SYTL3: variants seen among roughly 807,000 people sequenced by gnomAD.
The protein encoded by SYTL3 is synaptotagmin-like protein 3.
In SYTL3, 88 loss-of-function variants were observed where a neutral mutation model predicts 82.1. The observed-to-expected ratio is 1.07, with a 90% CI of 0.90 to 1.28. SYTL3 has a LOEUF of 1.28. SYTL3 is among the 50% of genes most tolerant of loss of function. SYTL3 has a pLI of 0.00. For synonymous variants in SYTL3, 311 were observed against 289.4 expected (o/e 1.07, Z -0.76); for missense variants, 831 against 757.6 (o/e 1.10, Z -1.14).
intron 6 of SYTL3, among the ~76,000 whole-genome samples, chr6:158,685,675 G>A (rs1038016801): frequency 3.3e-5 from 5 of 151,968 alleles, no homozygotes; most frequent in African/African-American, 4.8e-5. Context: ...AAAATTAGCC[G>A]GGCATGGTGG....
At chr6:158,706,339 C>G (rs1191430022) in intron 6 of SYTL3, among the ~76,000 whole-genome samples, 1 of 152,176 alleles carries the variant, frequency 6.6e-6, no homozygotes, top group Non-Finnish European at 1.5e-5. Flanking sequence ...ACATCACATG[C>G]TATTTGCCCT....
chr6:158,669,255 A>G (rs965572881), intron 5 of SYTL3, among the ~76,000 whole-genome samples: 5 of 152,248 alleles, frequency 3.3e-5, no homozygotes, highest in Admixed American at 2.6e-4. Context: ...GTCATAACTA[A>G]TTCCACATCT....
intron 13 of SYTL3, among the ~76,000 whole-genome samples, chr6:158,755,778 C>T (rs1472052531): frequency 1.3e-5 from 2 of 152,200 alleles, no homozygotes; most frequent in South Asian, 2.1e-4. Context: ...CAGCAACAGC[C>T]GTGTCACGAG....
intron 10 of SYTL3, among the ~76,000 whole-genome samples, chr6:158,724,369 C>T (rs760315080): frequency 6.6e-6 from 1 of 152,222 alleles, no homozygotes; most frequent in Admixed American, 6.5e-5. Context: ...ATCATATTCT[C>T]ACTTAGTATT....
At chr6:158,714,367 A>G (rs1783116396) in intron 9 of SYTL3, among the ~76,000 whole-genome samples, 1 of 152,082 alleles carries the variant, frequency 6.6e-6, no homozygotes, top group Non-Finnish European at 1.5e-5. Flanking sequence ...AGAAAAAGAA[A>G]AAAAAAAAAA....
At chr6:158,678,564 A>G (rs1778314184) in intron 5 of SYTL3, among the ~76,000 whole-genome samples, 1 of 152,226 alleles carries the variant, frequency 6.6e-6, no homozygotes, top group Non-Finnish European at 1.5e-5. Flanking sequence ...TAGAATTTGC[A>G]AAGTGTTTTT....
chr6:158,648,902 T>C (rs1787695784), upstream of SYTL3, among the ~76,000 whole-genome samples: 1 of 152,196 alleles, frequency 6.6e-6, no homozygotes, highest in Admixed American at 6.5e-5. Context: ...AGAGATTAGC[T>C]AAGAAGTGCC....
chr6:158,670,435 T>A (rs1777233239), intron 5 of SYTL3, among the ~76,000 whole-genome samples: 1 of 152,242 alleles, frequency 6.6e-6, no homozygotes, highest in Non-Finnish European at 1.5e-5. Context: ...ATTTGTCTAC[T>A]GACTCTTTCC....
At chr6:158,757,484 A>G in intron 14 of SYTL3, 103 bp downstream of exon 14, 1 of 1,282,500 alleles carries the variant, frequency 7.8e-7, no homozygotes, top group Non-Finnish European at 1.1e-6. Context: ...CAAGACTTGG[A>G]CCCAAGACTG....
intron 12 of SYTL3, among the ~76,000 whole-genome samples, chr6:158,748,978 T>C (rs1788009481): frequency 6.6e-6 from 1 of 151,944 alleles, no homozygotes. Context: ...CCCAGCACTT[T>C]GGGAAGCCGA....
At chr6:158,757,084 G>A in intron 13 of SYTL3, 127 bp from the exon 14 acceptor site, 1 of 728,558 alleles carries the variant, frequency 1.4e-6, no homozygotes, top group Non-Finnish European at 2.0e-6. Context: ...CTTGGACTCA[G>A]CCTGTGGGAG....
intron 12 of SYTL3, among the ~76,000 whole-genome samples, chr6:158,747,539 C>T (rs189259128): frequency 0.049 from 7,512 of 151,972 alleles, 213 homozygotes; most frequent in Non-Finnish European, 0.061. Flanking sequence ...TCACAGTTCA[C>T]TGCAGGCTCA....
chr6:158,752,063 C>G lies in SYTL3; in HGVS notation c.1137+33C>G, dbSNP rs375824090. The G allele has an allele frequency of 5.0e-4, 753 of 1,501,932 alleles. 3 individuals are homozygous for G. Among genetic ancestry groups the G allele is most frequent in the Admixed American group, 3.8e-4 (16 of 42,040 alleles). 93.0% of individuals were successfully genotyped at this position (1,501,932 alleles called of 1,614,324 possible). A position where few individuals can be genotyped will look rare whatever the true frequency, so the allele number is the denominator to read the frequency against. On this transcript the variant is annotated intron_variant, in intron 13 of 17. Transcript: ENST00000611299. The stretch of plus-strand genomic sequence containing the variant: ...CTGGACAGATATTCCTGTGCAGAGT[C>G]CTCCCGAGCCCGGGTGGAGCGCCTG...
At chr6:158,734,525 C>T (rs1321918746) in intron 11 of SYTL3, among the ~76,000 whole-genome samples, 1 of 152,136 alleles carries the variant, frequency 6.6e-6, no homozygotes, top group African/African-American at 2.4e-5. Context: ...GTGCTGGGAC[C>T]CCCAGACACA....
chr6:158,652,719 T>G (rs184296487), intron 2 of SYTL3, among the ~76,000 whole-genome samples: 10 of 152,108 alleles, frequency 6.6e-5, no homozygotes, highest in Admixed American at 3.9e-4. Flanking sequence ...TTTTTGTATT[T>G]TTAGTAAAGA....
chr6:158,755,699 A>C (rs899782011), intron 13 of SYTL3, among the ~76,000 whole-genome samples: 3 of 152,242 alleles, frequency 2.0e-5, no homozygotes, highest in Non-Finnish European at 2.9e-5. Flanking sequence ...AAAGGTGGGC[A>C]TGAGGAGATG....
chr6:158,764,705 G>A lies in SYTL3; in HGVS notation c.*101G>A, dbSNP rs775330773. 10 of 788,884 alleles carry A rather than the reference G, an allele frequency of 1.3e-5. No individual in the cohort carries two copies. Among genetic ancestry groups the A allele is most frequent in the South Asian group, 9.2e-5 (6 of 65,342 alleles). The allele number at this position is 788,884 out of a possible 1,614,324, so 48.9% of individuals were successfully genotyped here. On this transcript the variant is annotated 3_prime_UTR_variant, in exon 18 of 18. Coordinates refer to ENST00000611299, the MANE Select transcript of SYTL3 (RefSeq NM_001242394.2). ...CAGGGTCCCAGCTGGAGACCCCTTT[G>A]ACCTTGAGCAGTCTCCATCTGCGGC...
chr6:158,649,452 C>G (rs1336149830), upstream of SYTL3, among the ~76,000 whole-genome samples: 1 of 152,220 alleles, frequency 6.6e-6, no homozygotes, highest in Non-Finnish European at 1.5e-5. Flanking sequence ...GCCAAGCCTA[C>G]GTGGCACGTG....
At chr6:158,655,381 T>C (rs1347108618) in intron 2 of SYTL3, among the ~76,000 whole-genome samples, 1 of 152,166 alleles carries the variant, frequency 6.6e-6, no homozygotes, top group Non-Finnish European at 1.5e-5. Flanking sequence ...GGTTTCTCAA[T>C]TCAAGCCAAA....
Sources: gnomAD v4.1 joint callset for allele counts (sites outside exome capture counted in the v4.1 genomes callset) on GRCh38, gnomAD v4.1.1 for gene constraint, MANE v1.5 for transcripts, NCBI Gene and HGNC (gene_info 2026-07-23, HGNC 2026-07-21) for gene names.